The following RIF1 variants were observed in gnomAD, a reference collection of about 807,000 sequenced individuals.
RIF1 encodes the protein telomere-associated protein RIF1.
A neutral mutation model predicts 247.1 loss-of-function variants in RIF1; 45 were observed. That is an observed-to-expected ratio of 0.18 (90% CI 0.14 to 0.23). RIF1 has a LOEUF of 0.23. Ranked by LOEUF, RIF1 falls within the 10% of genes least tolerant of loss-of-function variation. RIF1 has a pLI of 1.00. For missense variants in RIF1, 2,967 were observed against 2,862.5 expected, an observed-to-expected ratio of 1.04 and a Z score of -0.83; for synonymous variants, 1,087 against 978.8, an observed-to-expected ratio of 1.11 and a Z score of -2.06.
chr2:151,493,513 C>A, intron 9 of RIF1: 1 of 1,035,848 alleles, frequency 9.7e-7, no homozygotes, highest in Non-Finnish European at 1.4e-6. Context: ...CATCACTTAG[C>A]TGGTGTTATG....
At chr2:151,462,186 C>G (rs1696289879) in intron 27 of RIF1, 56 bp from the exon 28 acceptor site, 4 of 1,263,992 alleles carry the variant, frequency 3.2e-6, no homozygotes, top group Non-Finnish European at 4.5e-6. Context: ...AGTTTAATTT[C>G]TAATTGTAAG....
intron 10 of RIF1, chr2:151,497,506 T>C: frequency 6.7e-7 from 1 of 1,493,830 alleles, no homozygotes; most frequent in Non-Finnish European, 8.9e-7. Context: ...ATAAATTTGC[T>C]AAAGAAATTC....
At chr2:151,443,733 T>G in intron 18 of RIF1, 24 bp downstream of exon 18, 1 of 1,423,000 alleles carries the variant, frequency 7.0e-7, no homozygotes, top group Non-Finnish European at 9.3e-7. Context: ...CTGCTACGTA[T>G]TTTGGATAAT....
chr2:151,469,858 G>T lies in RIF1; in HGVS notation c.7089G>T (p.Glu2363Asp). ...NVKKALRIYH[E>D]QQVKTRGLEE... ...AAAAGGCTCTCAGAATATATCATGA[G>T]CAGCAGGTAAAAACTTAGATATTAG... The change falls in exon 34 of 36, where the codon GAG becomes GAT. Residue 2363 changes from glutamate (E) to aspartate (D), a missense_variant. Glu to Asp is a conservative substitution (Grantham distance 45). Around this residue, in one of 7 missense-constraint regions of RIF1, gnomAD observed 151 missense variants for 163.4 expected, o/e 0.92. Coordinates refer to ENST00000444746, the MANE Select transcript of RIF1 (RefSeq NM_018151.5). 6.3e-7 allele frequency: 1 copy of T among 1,598,106 alleles called. No individual in the cohort carries two copies. The highest frequency in any genetic ancestry group is 2.2e-5 in the East Asian group (1 of 44,704).
chr2:151,527,622 A>C, the RIF1 span: 51 of 1,485,198 alleles, frequency 3.4e-5, no homozygotes, highest in Non-Finnish European at 4.6e-5. Context: ...CACTTGATTC[A>C]GTAGGCTAAA....
rs879164955 is a variant in RIF1, at chr2:151,477,204, T to C, written c.*2133T>C. On this transcript the variant is annotated 3_prime_UTR_variant, in exon 36 of 36. Transcript: ENST00000444746. ...TCTTGCCTTAAAGTTTCCTGCAAATTTCCCCCTTAGTAATTCCCGAATAGC... is the reference window on the plus strand; with the variant it reads ...TCTTGCCTTAAAGTTTCCTGCAAATCTCCCCCTTAGTAATTCCCGAATAGC... The C allele has an allele frequency of 3.9e-5, 6 of 152,236 alleles. No homozygotes were observed. Among genetic ancestry groups the C allele is most frequent in the Non-Finnish European group, 7.3e-5 (5 of 68,038 alleles). The allele number at this position is 152,236 out of a possible 1,614,324, so 9.4% of individuals were successfully genotyped here.
rs13031275 is a variant in RIF1 at position 151,489,980 on chromosome 2, A to C, written c.*416-5249A>C. 0.054 allele frequency: 86,494 copies of C among 1,590,030 alleles called. 2,772 individuals are homozygous for C. Among genetic ancestry groups the C allele is most frequent in the Non-Finnish European group, 0.065 (75,714 of 1,158,124 alleles). ...GTTGTTATTCACTTACTCCAGCAGT[A>C]GATGGATGAGATGGGATGGAAGATA... On this transcript the variant is annotated intron_variant and NMD_transcript_variant, in intron 9 of 13. Coordinates refer to the RIF1 transcript ENST00000454583.
intron 35 of RIF1, 44 bp downstream of exon 35, chr2:151,474,116 C>A (rs770854317): frequency 1.1e-6 from 1 of 900,372 alleles, no homozygotes; most frequent in Non-Finnish European, 1.8e-6. Flanking sequence ...AGAAGATCAG[C>A]TGACTTTCTT....
Position 151,455,077 on chromosome 2 carries a change from G to C in RIF1, c.2527G>C (p.Gly843Arg), listed in dbSNP as rs774541520. 6.2e-7 allele frequency: 1 copy of C among 1,613,408 alleles called. No homozygotes were observed. The highest frequency in any genetic ancestry group is 8.5e-7 in the Non-Finnish European group (1 of 1,179,502). The change falls in exon 22 of 36, where the codon GGG becomes CGG. Residue 843 changes from glycine to arginine, a missense_variant. Gly to Arg is a moderately radical substitution (Grantham distance 125). Around this residue, in one of 7 missense-constraint regions of RIF1, gnomAD observed 2,028 missense variants for 1,825.6 expected, o/e 1.11. Coordinates refer to ENST00000444746, the MANE Select transcript of RIF1 (RefSeq NM_018151.5). Reference sequence around the variant, plus strand: ...CACCGGCATTATTTCCAGTGTACTTGGGCATATTTCTTTGCCTTCTATGAT... The same window carrying C: ...CACCGGCATTATTTCCAGTGTACTTCGGCATATTTCTTTGCCTTCTATGAT... Reference protein sequence around the residue: ...SITGIISSVLGHISLPSMIRK... With the variant: ...SITGIISSVLRHISLPSMIRK...
chr2:151,513,827 T>G, the RIF1 span: 1 of 667,566 alleles, frequency 1.5e-6, no homozygotes, highest in Non-Finnish European at 2.6e-6. Flanking sequence ...ACTCTTCACC[T>G]TCGCTCTTCC....
chr2:151,518,868 G>A, the RIF1 span: 1 of 745,256 alleles, frequency 1.3e-6, no homozygotes, highest in Non-Finnish European at 2.4e-6. Context: ...TAAATCTAGG[G>A]TATCAGTAGC....
intron 13 of RIF1, 68 bp downstream of exon 13, chr2:151,437,419 AGT>A: frequency 1.7e-6 from 2 of 1,188,258 alleles, no homozygotes; most frequent in Non-Finnish European, 2.5e-6. Flanking sequence ...GGCCAGTCAC[AGT>A]ACCTCACACC....
chr2:151,497,028 T>TAAC lies in RIF1; in HGVS notation c.*513+1704_*513+1706dup, dbSNP rs1344099907. On this transcript the variant is annotated intron_variant and NMD_transcript_variant, in intron 10 of 13. Coordinates refer to the RIF1 transcript ENST00000454583. The stretch of plus-strand genomic sequence containing the variant: ...TTCCCTTGCCCATGTTTTCTTTGTA[T>TAAC]AACACCTGTGCGATAAGAAAGCAAC... 1.7e-5 allele frequency: 27 copies of TAAC among 1,568,438 alleles called. No individual in the cohort carries two copies. Among genetic ancestry groups the TAAC allele is most frequent in the Middle Eastern group, 1.7e-4 (1 of 6,026 alleles).
At chr2:151,433,258 T>G in intron 10 of RIF1, 30 bp downstream of exon 10, 1 of 1,554,426 alleles carries the variant, frequency 6.4e-7, no homozygotes, top group Non-Finnish European at 8.8e-7. Flanking sequence ...CTATAGCACT[T>G]TATGTTTTTG....
intron 22 of RIF1, among the ~76,000 whole-genome samples, chr2:151,456,026 AAATTG>A (rs1235014835): frequency 1.3e-5 from 2 of 152,204 alleles, no homozygotes; most frequent in Non-Finnish European, 2.9e-5. Context: ...GGTCTCCAAA[AAATTG>A]AATTAATTTT....
chr2:151,534,387 T>TA, the RIF1 span: 1 of 1,355,342 alleles, frequency 7.4e-7, no homozygotes, highest in Non-Finnish European at 1.0e-6. Context: ...TGTCTCAAGG[T>TA]AAACACTCCA....
chr2:151,475,182 G>C lies in RIF1; in HGVS notation c.*111G>C. 1 of 765,706 alleles carries C rather than the reference G, an allele frequency of 1.3e-6. No individual in the cohort carries two copies. The allele number at this position is 765,706 out of a possible 1,614,324, so 47.4% of individuals were successfully genotyped here. A position where few individuals can be genotyped will look rare whatever the true frequency, so the allele number is the denominator to read the frequency against. On this transcript the variant is annotated 3_prime_UTR_variant, in exon 36 of 36. Coordinates refer to ENST00000444746, the MANE Select transcript of RIF1 (RefSeq NM_018151.5). ...CAAAGAAGAGACTCTTTGCAAAGTT[G>C]ATAACATTTCAAACCCTGAAGGACA...
At chr2:151,429,801 A>G (rs1689747863) in intron 9 of RIF1, among the ~76,000 whole-genome samples, 1 of 152,164 alleles carries the variant, frequency 6.6e-6, no homozygotes, top group Non-Finnish European at 1.5e-5. Flanking sequence ...TTTTCTGATA[A>G]TATATTCACA....
the RIF1 span, among the ~76,000 whole-genome samples, chr2:151,517,055 C>T: frequency 1.2e-4 from 19 of 152,152 alleles, no homozygotes; most frequent in Non-Finnish European, 2.6e-4. Flanking sequence ...AAGTAAACAA[C>T]TCTATGTGGG....
Sources: allele counts gnomAD v4.1 joint callset (sites outside exome capture counted in the v4.1 genomes callset), GRCh38; gene constraint gnomAD v4.1.1; regional missense constraint gnomAD v4.1.1; transcripts MANE v1.5; gene names NCBI Gene and HGNC (gene_info 2026-07-23, HGNC 2026-07-21).